Variants in TMEM178B observed in about 807,000 individuals in gnomAD.
The protein encoded by TMEM178B is transmembrane protein 178B.
Under a neutral mutation model 31.0 loss-of-function variants are expected in TMEM178B, and 5 were observed. The observed-to-expected ratio is 0.16, with a 90% CI of 0.08 to 0.34. The LOEUF (loss-of-function observed/expected upper bound fraction) is 0.34, where lower values mean the gene tolerates loss of function less well. Among genes scored for constraint, TMEM178B ranks in the 10% least tolerant of loss-of-function variants. The probability of loss-of-function intolerance (pLI) is 1.00; values close to 1 mark genes in which losing one functional copy is unlikely to be tolerated. For missense variants in TMEM178B, 275 were observed against 400.3 expected, an observed-to-expected ratio of 0.69 and a Z score of 2.67; for synonymous variants, 164 against 164.0, an observed-to-expected ratio of 1.00 and a Z score of 0.00.
At chr7:141,112,716 T>C (rs1172842695) in intron 1 of TMEM178B, among the ~76,000 whole-genome samples, 1 of 152,194 alleles carries the variant, frequency 6.6e-6, no homozygotes, top group Non-Finnish European at 1.5e-5. Flanking sequence ...AGAGGGTAAG[T>C]ATTGCTGATC....
chr7:141,382,605 A>G (rs1800338364), intron 2 of TMEM178B, among the ~76,000 whole-genome samples: 1 of 152,040 alleles, frequency 6.6e-6, no homozygotes, highest in African/African-American at 2.4e-5. Context: ...ACAAAACTCC[A>G]TTTTCTAAGA....
At chr7:141,094,207 C>T (rs1208971770) in intron 1 of TMEM178B, among the ~76,000 whole-genome samples, 11 of 151,918 alleles carry the variant, frequency 7.2e-5, no homozygotes, top group Admixed American at 6.6e-4. Flanking sequence ...ATGAACATGG[C>T]CCAGGAAGAA....
chr7:141,412,527 C>A (rs1033668931), intron 2 of TMEM178B, among the ~76,000 whole-genome samples: 1 of 152,100 alleles, frequency 6.6e-6, no homozygotes, highest in Non-Finnish European at 1.5e-5. Flanking sequence ...GTTGACAACA[C>A]AATTCATGAT....
chr7:141,268,867 G>A lies in TMEM178B; in HGVS notation c.496+56163G>A, dbSNP rs114402405. ...CTTATTGACTTTCTGGTGGGCCAAA[G>A]AGCAATAACACCTGCCTATCATGAG... On this transcript the variant is annotated intron_variant, in intron 2 of 3. Transcript: ENST00000565468. Among the ~76,000 whole-genome samples the A allele has an allele frequency of 9.9e-3, 1,515 of 152,294 alleles. 22 individuals carry two copies. Among genetic ancestry groups the A allele is most frequent in the African/African-American group, 0.034 (1,426 of 41,568 alleles).
At chr7:141,215,337 A>ATTATTATTATTATT (rs55726735) in intron 2 of TMEM178B, among the ~76,000 whole-genome samples, 35 of 141,550 alleles carry the variant, frequency 2.5e-4, no homozygotes, top group Non-Finnish European at 4.0e-4. Flanking sequence ...TATTATTATT[A>ATTATTATTATTATT]TTTTTTGAGA....
chr7:141,377,233 G>T (rs1301873902), intron 2 of TMEM178B, among the ~76,000 whole-genome samples: 1 of 151,434 alleles, frequency 6.6e-6, no homozygotes, highest in African/African-American at 2.4e-5. Flanking sequence ...ACCCAGGCTG[G>T]AGTGCAATGG....
At chr7:141,263,386 AC>A (rs1319870079) in intron 2 of TMEM178B, among the ~76,000 whole-genome samples, 1 of 152,188 alleles carries the variant, frequency 6.6e-6, no homozygotes, top group Non-Finnish European at 1.5e-5. Context: ...TTTCCCAGGT[AC>A]AGTCTTCCAC....
intron 2 of TMEM178B, among the ~76,000 whole-genome samples, chr7:141,367,558 G>T (rs764283764): frequency 6.6e-6 from 1 of 152,114 alleles, no homozygotes; most frequent in Non-Finnish European, 1.5e-5. Context: ...AAGCCACTGC[G>T]CCCAGCTGAC....
intron 2 of TMEM178B, among the ~76,000 whole-genome samples, chr7:141,391,323 G>A (rs1334911144): frequency 6.6e-6 from 1 of 151,964 alleles, no homozygotes; most frequent in African/African-American, 2.4e-5. Flanking sequence ...GCACCACCAC[G>A]CCCGGCTGAT....
chr7:141,293,031 G>A (rs1798573433), intron 2 of TMEM178B, among the ~76,000 whole-genome samples: 1 of 152,122 alleles, frequency 6.6e-6, no homozygotes, highest in East Asian at 1.9e-4. Context: ...AAAGGGTCCT[G>A]TGAAATAAAA....
At chr7:141,467,997 A>G in intron 3 of TMEM178B, among the ~76,000 whole-genome samples, 1 of 151,832 alleles carries the variant, frequency 6.6e-6, no homozygotes, top group African/African-American at 2.4e-5. Flanking sequence ...AAGCAAAACA[A>G]CAATAAAATA....
intron 2 of TMEM178B, among the ~76,000 whole-genome samples, chr7:141,220,311 AAATAATAATAATAATAATAATAATAAT>A (rs143440134): frequency 3.5e-4 from 49 of 140,674 alleles, no homozygotes; most frequent in East Asian, 1.8e-3. Context: ...ACTCCATCTC[AAATAATAATAATAATAATAATAATAAT>A]AATAATAATA....
rs568353385 is a variant in TMEM178B, at chr7:141,236,123, ACCCCAGC to A, written c.496+23423_496+23429del. On this transcript the variant is annotated intron_variant, in intron 2 of 3. Transcript: ENST00000565468. ...TCTCTGAGATGCAAACCTAGTCCAC[ACCCCAGC>A]CCCTTACCCCCACAGGTCCCTGTGA... Among the ~76,000 whole-genome samples, 6 of 152,156 alleles carry A rather than the reference ACCCCAGC, an allele frequency of 3.9e-5. No individual in the cohort carries two copies. The South Asian group carries it at 1.2e-3, about 32-fold the overall frequency.
intron 2 of TMEM178B, among the ~76,000 whole-genome samples, chr7:141,278,369 G>A (rs940507037): frequency 1.3e-5 from 2 of 152,192 alleles, no homozygotes; most frequent in East Asian, 1.9e-4. Context: ...ATCACTTGAG[G>A]TTAGGAGTTC....
intron 1 of TMEM178B, among the ~76,000 whole-genome samples, chr7:141,165,749 C>A (rs978807912): frequency 6.6e-6 from 1 of 152,140 alleles, no homozygotes; most frequent in Non-Finnish European, 1.5e-5. Context: ...GGGGTCAGGC[C>A]GCTTGAGTTG....
At chr7:141,233,764 C>T (rs1033102214) in intron 2 of TMEM178B, among the ~76,000 whole-genome samples, 26 of 152,190 alleles carry the variant, frequency 1.7e-4, no homozygotes, top group African/African-American at 6.3e-4. Flanking sequence ...TGTACTTCTC[C>T]CTTTTGCAAA....
chr7:141,335,362 C>A (rs1799366452), intron 2 of TMEM178B, among the ~76,000 whole-genome samples: 1 of 152,224 alleles, frequency 6.6e-6, no homozygotes. Context: ...TCTTCTGCCT[C>A]AGCACTTGGT....
intron 1 of TMEM178B, among the ~76,000 whole-genome samples, chr7:141,157,493 A>G (rs1430891981): frequency 1.3e-5 from 2 of 152,030 alleles, no homozygotes; most frequent in East Asian, 3.9e-4. Flanking sequence ...ATGAAACTCA[A>G]AGCACCCAGG....
At chr7:141,414,114 C>T in intron 2 of TMEM178B, among the ~76,000 whole-genome samples, 1 of 65,314 alleles carries the variant, frequency 1.5e-5, no homozygotes, top group East Asian at 4.3e-4. Flanking sequence ...AGACGGAGTC[C>T]CGCTGTTTAG....
Sources: allele counts gnomAD v4.1 joint callset (sites outside exome capture counted in the v4.1 genomes callset), GRCh38; gene constraint gnomAD v4.1.1; transcripts MANE v1.5; gene names NCBI Gene and HGNC (gene_info 2026-07-23, HGNC 2026-07-21).